TMEM132C: variants seen among roughly 807,000 people sequenced by gnomAD.
TMEM132C encodes transmembrane protein 132C, also known as protein phosphatase 1, regulatory subunit 152.
TMEM132C carries 29 observed loss-of-function variants against 61.4 expected under a neutral mutation model. The ratio of observed to expected loss-of-function variants is 0.47; its 90% confidence interval spans 0.35 to 0.64. The LOEUF (loss-of-function observed/expected upper bound fraction) is 0.64, where lower values mean the gene tolerates loss of function less well. Among genes scored for constraint, TMEM132C ranks in the 30% least tolerant of loss-of-function variants. The probability of loss-of-function intolerance (pLI) is 0.00; values close to 1 mark genes in which losing one functional copy is unlikely to be tolerated. For missense variants in TMEM132C, 1,408 were observed against 1,476.9 expected (o/e 0.95, Z 0.76); for synonymous variants, 656 against 633.1 (o/e 1.04, Z -0.54).
At chr12:128,530,650 G>A (rs567611485) in intron 2 of TMEM132C, among the ~76,000 whole-genome samples, 63 of 152,082 alleles carry the variant, frequency 4.1e-4, no homozygotes, top group Admixed American at 9.8e-4. Context: ...TCACCATGCT[G>A]GTCAGGCTGG....
intron 2 of TMEM132C, among the ~76,000 whole-genome samples, chr12:128,458,413 T>G (rs1224726923): frequency 6.6e-6 from 1 of 151,996 alleles, no homozygotes; most frequent in Non-Finnish European, 1.5e-5. Context: ...TTTCTTAATT[T>G]TATTTCCTTC....
chr12:128,435,553 C>T (rs1417140320), intron 2 of TMEM132C, among the ~76,000 whole-genome samples: 1 of 152,060 alleles, frequency 6.6e-6, no homozygotes, highest in Non-Finnish European at 1.5e-5. Context: ...ACAATTGCTA[C>T]AAAGAGAATA....
intron 1 of TMEM132C, among the ~76,000 whole-genome samples, chr12:128,393,499 A>G (rs1334857187): frequency 6.6e-6 from 1 of 152,232 alleles, no homozygotes; most frequent in Non-Finnish European, 1.5e-5. Flanking sequence ...TGTCTTTGAT[A>G]GCACCGTGTT....
At chr12:128,393,844 C>T (rs189715921) in intron 1 of TMEM132C, among the ~76,000 whole-genome samples, 43 of 152,322 alleles carry the variant, frequency 2.8e-4, no homozygotes, top group African/African-American at 9.6e-4. Flanking sequence ...ATGACTCAGC[C>T]GTGCTCCTTT....
At chr12:128,310,687 G>A (rs974547646) in intron 1 of TMEM132C, among the ~76,000 whole-genome samples, 23 of 152,210 alleles carry the variant, frequency 1.5e-4, no homozygotes, top group African/African-American at 5.5e-4. Flanking sequence ...CAATACTGGG[G>A]ATCACATTTC....
chr12:128,627,833 G>C (rs935911168), intron 4 of TMEM132C, among the ~76,000 whole-genome samples: 2 of 152,196 alleles, frequency 1.3e-5, no homozygotes, highest in Admixed American at 1.3e-4. Flanking sequence ...CTGGGTCCTG[G>C]TCAGTGCCAT....
At chr12:128,647,025 G>A (rs1360110983) in intron 4 of TMEM132C, among the ~76,000 whole-genome samples, 1 of 151,996 alleles carries the variant, frequency 6.6e-6, no homozygotes, top group Non-Finnish European at 1.5e-5. Flanking sequence ...GAGTCCATCA[G>A]CGTTGGATGT....
At chr12:128,420,169 C>G (rs1215127788) in intron 2 of TMEM132C, among the ~76,000 whole-genome samples, 2 of 152,088 alleles carry the variant, frequency 1.3e-5, no homozygotes, top group Non-Finnish European at 2.9e-5. Context: ...GAAGTCCAGC[C>G]TGGGTGACAA....
At chr12:128,538,945 G>A (rs1873635961) in intron 2 of TMEM132C, among the ~76,000 whole-genome samples, 2 of 152,020 alleles carry the variant, frequency 1.3e-5, no homozygotes, top group East Asian at 3.9e-4. Flanking sequence ...TCTGCATAAT[G>A]AGTTCTTATC....
At chr12:128,354,309 G>A (rs1010118835) in intron 1 of TMEM132C, among the ~76,000 whole-genome samples, 2 of 151,986 alleles carry the variant, frequency 1.3e-5, no homozygotes, top group African/African-American at 4.8e-5. Flanking sequence ...ATTAGATAGG[G>A]TGAAGTCTCC....
At chr12:128,624,694 C>T (rs1362730937) in intron 4 of TMEM132C, among the ~76,000 whole-genome samples, 10 of 152,070 alleles carry the variant, frequency 6.6e-5, no homozygotes, top group Non-Finnish European at 1.5e-5. Flanking sequence ...CTTCAGGTTA[C>T]ACTTCTACTT....
intron 4 of TMEM132C, among the ~76,000 whole-genome samples, chr12:128,627,175 T>C (rs921278338): frequency 6.6e-6 from 1 of 152,202 alleles, no homozygotes; most frequent in Non-Finnish European, 1.5e-5. Flanking sequence ...CTGCCCCCAT[T>C]CCAGCACATT....
chr12:128,274,947 G>A (rs1209720644), intron 1 of TMEM132C, among the ~76,000 whole-genome samples: 1 of 152,148 alleles, frequency 6.6e-6, no homozygotes, highest in Non-Finnish European at 1.5e-5. Flanking sequence ...AAAGGTATAA[G>A]ACAGCCTCAT....
chr12:128,444,512 A>C (rs1190329513), intron 2 of TMEM132C, among the ~76,000 whole-genome samples: 1 of 152,170 alleles, frequency 6.6e-6, no homozygotes, highest in East Asian at 1.9e-4. Flanking sequence ...GTAGTGAATT[A>C]AGCGCATTTT....
intron 2 of TMEM132C, among the ~76,000 whole-genome samples, chr12:128,472,103 C>T (rs1480664341): frequency 6.6e-6 from 1 of 152,138 alleles, no homozygotes; most frequent in African/African-American, 2.4e-5. Context: ...CAGGAGGCAC[C>T]TGCACGTACC....
chr12:128,579,318 G>A (rs190176351), intron 3 of TMEM132C, among the ~76,000 whole-genome samples: 11 of 152,236 alleles, frequency 7.2e-5, no homozygotes, highest in East Asian at 1.9e-4. Context: ...TCAATAAATC[G>A]TTTCTACTCT....
At chr12:128,269,672 A>G (rs759191541) in intron 1 of TMEM132C, among the ~76,000 whole-genome samples, 18 of 152,156 alleles carry the variant, frequency 1.2e-4, no homozygotes, top group Non-Finnish European at 2.2e-4. Flanking sequence ...GCAACTTATC[A>G]TCTGCAAAAT....
chr12:128,274,815 G>T (rs925376108), intron 1 of TMEM132C, among the ~76,000 whole-genome samples: 2 of 152,186 alleles, frequency 1.3e-5, no homozygotes, highest in African/African-American at 4.8e-5. Flanking sequence ...CAGGCTCTTT[G>T]GTAGGGATGG....
rs114794509 is a variant in TMEM132C, at chr12:128,586,390, T to C, written c.1122-29762T>C. Among the ~76,000 whole-genome samples the C allele has an allele frequency of 4.5e-3, 683 of 150,692 alleles. 5 individuals are homozygous for C. Among genetic ancestry groups the C allele is most frequent in the African/African-American group, 0.016 (649 of 41,184 alleles). On this transcript the variant is annotated intron_variant, in intron 3 of 8. Coordinates refer to ENST00000435159, the MANE Select transcript of TMEM132C (RefSeq NM_001136103.3). Reference sequence around the variant, plus strand: ...TATTAATATATTGTGTTTTTATAAATATATAATATATATTATAAAGATCTA... The same window carrying C: ...TATTAATATATTGTGTTTTTATAAACATATAATATATATTATAAAGATCTA...
Sources: allele counts gnomAD v4.1 joint callset (sites outside exome capture counted in the v4.1 genomes callset), GRCh38; gene constraint gnomAD v4.1.1; transcripts MANE v1.5; gene names NCBI Gene and HGNC (gene_info 2026-07-23, HGNC 2026-07-21).